MVD: variants seen among roughly 807,000 people sequenced by gnomAD.
The protein encoded by MVD is mevalonate diphosphate decarboxylase.
Under a neutral mutation model 42.4 loss-of-function variants are expected in MVD, and 52 were observed. That is an observed-to-expected ratio of 1.23 (90% CI 0.98 to 1.55). The LOEUF is 1.55. Ranked by LOEUF, MVD falls within the 40% of genes most tolerant of loss-of-function variation. The pLI is 0.00. For missense variants in MVD, 663 were observed against 572.1 expected (o/e 1.16, Z -1.62); for synonymous variants, 287 against 243.2 (o/e 1.18, Z -1.68).
At position 88,652,121 on chromosome 16, in the gene MVD, C is replaced by T. The variant is rs1230493883; in HGVS notation, c.*404G>A. Reference sequence around the variant, plus strand: ...CGAGGCACTTGGTGGTTTCCTGAGGCCCAAGGAGGCTGCTCCCAGCACGGT... The same window carrying T: ...CGAGGCACTTGGTGGTTTCCTGAGGTCCAAGGAGGCTGCTCCCAGCACGGT... On this transcript the variant is annotated 3_prime_UTR_variant, in exon 10 of 10. Coordinates refer to ENST00000301012, the MANE Select transcript of MVD (RefSeq NM_002461.3). 3 of 271,616 alleles carry T rather than the reference C, an allele frequency of 1.1e-5. No homozygotes were observed. The highest frequency in any genetic ancestry group is 2.2e-5 in the Non-Finnish European group (3 of 138,578). The allele number at this position is 271,616 out of a possible 1,614,324, so 16.8% of individuals were successfully genotyped here.
chr16:88,655,403 G>A lies in MVD; in HGVS notation c.693C>T (p.Ser231=), dbSNP rs768869834. Residue 231 remains serine (S), a synonymous_variant, in exon 7 of 10, where the codon TCC becomes TCT. Transcript: ENST00000301012. ...TCTCCGCCATGCGCGCGGGCACCAC[G>A]GACTCGGCCCGGAACTGCAAGGCAC... is the stretch of plus-strand genomic sequence containing the variant. ...TSPLLRFRAE[S]VVPARMAEMA... is the part of the protein sequence containing the mutation. The A allele has an allele frequency of 2.2e-5, 35 of 1,580,346 alleles. No individual in the cohort carries two copies. The highest frequency in any genetic ancestry group is 2.7e-5 in the Non-Finnish European group (31 of 1,166,582).
rs747786145 is a variant in MVD, at chr16:88,657,967, A to G, written c.204T>C (p.Asn68=). The change falls in exon 3 of 10, where the codon AAT becomes AAC. Residue 68 remains asparagine (N), a synonymous_variant. Coordinates refer to ENST00000301012, the MANE Select transcript of MVD (RefSeq NM_002461.3). The part of the protein sequence containing the change: ...KDFTEDRIWL[N]GREEDVGQPR... ...GCTGCCCCACATCCTCCTCCCGGCC[A>G]TTCAGCCAAATCCGGTCCTCGGTGA... 12 of 1,613,946 alleles carry G rather than the reference A, an allele frequency of 7.4e-6. No homozygotes were observed. The South Asian group carries it at 1.3e-4, about 18-fold the overall frequency.
chr16:88,654,068 G>A (rs1274433828), intron 8 of MVD, among the ~76,000 whole-genome samples: 1 of 152,086 alleles, frequency 6.6e-6, no homozygotes, highest in Non-Finnish European at 1.5e-5. Flanking sequence ...CGGGGCGTAA[G>A]GAGGCTGGGC....
Position 88,655,019 on chromosome 16 carries a change from A to C in MVD, c.897+180T>G, listed in dbSNP as rs538532927. Reference sequence around the variant, plus strand: ...AGGTGGTGGGGCCGTGACCCGGGCAAGTCAAGAAACAAAATGAAACAGAAG... The same window carrying C: ...AGGTGGTGGGGCCGTGACCCGGGCACGTCAAGAAACAAAATGAAACAGAAG... On this transcript the variant is annotated intron_variant, in intron 7 of 9. Transcript: ENST00000301012. 14 of 929,762 alleles carry C rather than the reference A, an allele frequency of 1.5e-5. No individual in the cohort carries two copies. The Admixed American group carries it at 2.8e-4, about 19-fold the overall frequency. The allele number at this position is 929,762 out of a possible 1,614,324, so 57.6% of individuals were successfully genotyped here. A position where few individuals can be genotyped will look rare whatever the true frequency, so the allele number is the denominator to read the frequency against.
intron 4 of MVD, chr16:88,656,597 G>C (rs1357902069): frequency 6.5e-5 from 34 of 524,590 alleles, no homozygotes; most frequent in Non-Finnish European, 4.8e-5. Flanking sequence ...GAAGGCGGGA[G>C]AAAGGCCCCC....
chr16:88,662,976 G>T, intron 1 of MVD, 35 bp downstream of exon 1: 1 of 1,579,720 alleles, frequency 6.3e-7, no homozygotes, highest in Non-Finnish European at 8.6e-7. Flanking sequence ...CTCGCTCCCG[G>T]CCATCCCCGT....
chr16:88,663,000 G>T lies in MVD; in HGVS notation c.70+11C>A. On this transcript the variant is annotated intron_variant, in intron 1 of 9. Transcript: ENST00000301012. ...GGCCATCCCCGTCCCAGGCCGGCCC[G>T]CGGCACTCACAGTACTTGATGACCG... The T allele has an allele frequency of 6.3e-7, 1 of 1,595,798 alleles. No homozygotes were observed. The highest frequency in any genetic ancestry group is 2.3e-5 in the East Asian group (1 of 43,716).
intron 1 of MVD, 112 bp downstream of exon 1, chr16:88,662,899 G>A (rs1908402083): frequency 6.6e-7 from 1 of 1,511,864 alleles, no homozygotes; most frequent in Non-Finnish European, 8.8e-7. Context: ...TTCCCCGTCT[G>A]TCGAGGCCCT....
intron 3 of MVD, 72 bp from the exon 4 acceptor site, chr16:88,657,654 C>G: frequency 6.4e-7 from 1 of 1,572,962 alleles, no homozygotes; most frequent in Non-Finnish European, 8.7e-7. Context: ...CCCACCTGCC[C>G]GGGGTCACAG....
chr16:88,657,475 C>A lies in MVD; in HGVS notation c.364G>T (p.Ala122Ser), dbSNP rs1908003780. 2 of 1,612,376 alleles carry A rather than the reference C, an allele frequency of 1.2e-6. No individual in the cohort carries two copies. The highest frequency in any genetic ancestry group is 1.7e-6 in the Non-Finnish European group (2 of 1,179,778). The change falls in exon 4 of 10, where the codon GCG becomes TCG. Residue 122 changes from alanine to serine, a missense_variant. Transcript: ENST00000301012. The stretch of plus-strand genomic sequence containing the variant: ...CCCGCCGCTGAGGAGGCCAGGCCCG[C>A]AGCCGTGGGGAAGTTGTTCACCGAT... ...VASVNNFPTA[A>S]GLASSAAGYA... is the part of the protein sequence containing the mutation.
At chr16:88,660,266 C>T (rs1045549616) in intron 1 of MVD, among the ~76,000 whole-genome samples, 2 of 152,136 alleles carry the variant, frequency 1.3e-5, no homozygotes, top group Admixed American at 6.5e-5. Flanking sequence ...CCTCCACCAG[C>T]GCGCTATCAA....
In MVD at chr16:88,655,705, C is replaced by T. The variant is rs374121329; in HGVS notation, c.629G>A (p.Gly210Asp). The change falls in exon 6 of 10, where the codon GGC becomes GAC. Residue 210 changes from glycine (G) to aspartate (D), a missense_variant. Gly to Asp is a moderately conservative substitution (Grantham distance 94). Coordinates refer to ENST00000301012, the MANE Select transcript of MVD (RefSeq NM_002461.3). ...ACTGGCCCGCATGCCCACGGTACTGCCTGTCAGCTTCTTCTCAGCGCTCAC... is the reference window on the plus strand; with the variant it reads ...ACTGGCCCGCATGCCCACGGTACTGTCTGTCAGCTTCTTCTCAGCGCTCAC... ...LVVSAEKKLT[G>D]STVGMRASVE... is the part of the protein sequence containing the mutation. The T allele has an allele frequency of 3.9e-5, 61 of 1,560,494 alleles. No homozygotes were observed. The East Asian group carries it at 1.4e-3, about 35-fold the overall frequency.
At chr16:88,655,059 G>A (rs765547644) in intron 7 of MVD, 140 bp downstream of exon 7, 8 of 1,102,200 alleles carry the variant, frequency 7.3e-6, no homozygotes, top group Non-Finnish European at 1.0e-5. Context: ...CAGATGGTCA[G>A]TGAGCTTCGC....
chr16:88,654,793 A>C lies in MVD; in HGVS notation c.912T>G (p.Phe304Leu), dbSNP rs760984054. 3.2e-6 allele frequency: 5 copies of C among 1,583,522 alleles called. No homozygotes were observed. In the South Asian group the frequency reaches 5.7e-5, roughly 18 times the overall value. Residue 304 changes from phenylalanine to leucine, a missense_variant, in exon 8 of 10, where the codon TTT becomes TTG. Phe to Leu is a conservative substitution (Grantham distance 22). Coordinates refer to ENST00000301012, the MANE Select transcript of MVD (RefSeq NM_002461.3). ...AGATCACGGCATTGGGGCCCGCGTC[A>C]AAGGTGTACGCCACCTGGAACCCAC... is the stretch of plus-strand genomic sequence containing the variant. ...HHGDTKVAYT[F>L]DAGPNAVIFT...
At position 88,656,270 on chromosome 16, in the gene MVD, A is replaced by G. The variant is rs1482024998; in HGVS notation, c.438T>C (p.Ser146=). 1 of 1,599,432 alleles carries G rather than the reference A, an allele frequency of 6.3e-7. No individual in the cohort carries two copies. Among genetic ancestry groups the G allele is most frequent in the South Asian group, 1.1e-5 (1 of 91,048 alleles). Residue 146 remains serine (S), a synonymous_variant, in exon 5 of 10, where the codon AGT becomes AGC. Transcript: ENST00000301012. ...YTLARVYGVE[S]DLSEVARRGS... ...CCCGGCGAGCCACTTCTGAGAGGTCACTCTCCACGCCGTAGACACGGGCCA... is the reference window on the plus strand; with the variant it reads ...CCCGGCGAGCCACTTCTGAGAGGTCGCTCTCCACGCCGTAGACACGGGCCA...
chr16:88,658,407 C>G (rs1022984050), intron 2 of MVD, among the ~76,000 whole-genome samples: 1 of 152,148 alleles, frequency 6.6e-6, no homozygotes, highest in Non-Finnish European at 1.5e-5. Context: ...CCATCTCATC[C>G]TAGCCTTTAG....
intron 9 of MVD, 83 bp downstream of exon 9, chr16:88,653,217 A>G (rs11648950): frequency 9.2e-7 from 1 of 1,087,828 alleles, no homozygotes; most frequent in South Asian, 1.4e-5. Context: ...AGCCGCGCTT[A>G]GCCTTTAAGG....
In MVD at chr16:88,653,374, G is replaced by C. The variant is rs750054928; in HGVS notation, c.1048C>G (p.Leu350Val). ...LKGLQVRPAP[L>V]SAELQAALAM... Reference sequence around the variant, plus strand: ...AGCGCAGCCTGAAGCTCAGCTGAGAGAGGGGCCGGCCTCACCTGCAGCCCC... The same window carrying C: ...AGCGCAGCCTGAAGCTCAGCTGAGACAGGGGCCGGCCTCACCTGCAGCCCC... The change falls in exon 9 of 10, where the codon CTC becomes GTC. Residue 350 changes from leucine (L) to valine (V), a missense_variant. Physicochemically the swap from Leu to Val is conservative, Grantham distance 32. Coordinates refer to ENST00000301012, the MANE Select transcript of MVD (RefSeq NM_002461.3). 2.5e-6 allele frequency: 4 copies of C among 1,600,060 alleles called. No homozygotes were observed. Among genetic ancestry groups the C allele is most frequent in the Admixed American group, 1.8e-5 (1 of 55,304 alleles).
intron 8 of MVD, chr16:88,653,672 G>C (rs1907721933): frequency 4.8e-6 from 2 of 421,000 alleles, no homozygotes; most frequent in African/African-American, 4.2e-5. Context: ...GCTGAGACAG[G>C]AAATTTTAGG....
Sources: gnomAD v4.1 joint callset for allele counts (sites outside exome capture counted in the v4.1 genomes callset) on GRCh38, gnomAD v4.1.1 for gene constraint, MANE v1.5 for transcripts, NCBI Gene and HGNC (gene_info 2026-07-23, HGNC 2026-07-21) for gene names.